Variants in HNRNPUL1 observed in about 807,000 individuals in gnomAD.
HNRNPUL1 encodes the protein heterogeneous nuclear ribonucleoprotein U like 1, also known as heterogeneous nuclear ribonucleoprotein U-like protein 1.
A neutral mutation model predicts 108.5 loss-of-function variants in HNRNPUL1; 14 were observed. The ratio of observed to expected loss-of-function variants is 0.13; its 90% CI spans 0.09 to 0.20. The LOEUF (loss-of-function observed/expected upper bound fraction) is 0.20. Ranked by LOEUF, HNRNPUL1 falls within the 10% of genes least tolerant of loss-of-function variation. The pLI, the probability that HNRNPUL1 is intolerant of heterozygous loss-of-function variation, is 1.00. For missense variants in HNRNPUL1, 804 were observed against 1,168.3 expected (o/e 0.69, Z 4.55); for synonymous variants, 422 against 445.2 (o/e 0.95, Z 0.66).
intron 2 of HNRNPUL1, among the ~76,000 whole-genome samples, chr19:41,271,616 C>T (rs1011886231): frequency 1.3e-5 from 2 of 152,266 alleles, no homozygotes; most frequent in African/African-American, 2.4e-5. Flanking sequence ...AGGACTTACC[C>T]GTGGTCCACA....
At chr19:41,299,289 A>G (rs2037063609) in intron 10 of HNRNPUL1, among the ~76,000 whole-genome samples, 1 of 151,830 alleles carries the variant, frequency 6.6e-6, no homozygotes, top group Non-Finnish European at 1.5e-5. Flanking sequence ...AGGGAAGAAC[A>G]TTTTTTCCTG....
Position 41,279,070 on chromosome 19 carries a change from T to G in HNRNPUL1, c.787-7T>G. Reference sequence around the variant, plus strand: ...CAACCCTGAGCCCTTTTGTCCTCTTTCCTCAGATCAATGAGGAAATCTCCG... The same window carrying G: ...CAACCCTGAGCCCTTTTGTCCTCTTGCCTCAGATCAATGAGGAAATCTCCG... On this transcript the variant is annotated splice_region_variant and splice_polypyrimidine_tract_variant and intron_variant, in intron 5 of 14. Transcript: ENST00000392006. 1 of 1,612,006 alleles carries G rather than the reference T, an allele frequency of 6.2e-7. No individual in the cohort carries two copies. Among genetic ancestry groups the G allele is most frequent in the East Asian group, 2.2e-5 (1 of 44,868 alleles).
intron 5 of HNRNPUL1, among the ~76,000 whole-genome samples, chr19:41,277,240 A>T (rs1356730385): frequency 6.6e-6 from 1 of 152,216 alleles, no homozygotes; most frequent in Non-Finnish European, 1.5e-5. Context: ...ATCCAAACTT[A>T]CTGATGATAG....
In HNRNPUL1 at chr19:41,306,703, G is replaced by A. The variant is rs1043654431; in HGVS notation, c.*138G>A. The A allele has an allele frequency of 1.1e-5, 5 of 456,930 alleles. No individual in the cohort carries two copies. The highest frequency in any genetic ancestry group is 1.9e-5 in the Non-Finnish European group (5 of 263,122). The allele number at this position is 456,930 out of a possible 1,614,324, so 28.3% of individuals were successfully genotyped here. On this transcript the variant is annotated 3_prime_UTR_variant, in exon 15 of 15. Coordinates refer to ENST00000392006, the MANE Select transcript of HNRNPUL1 (RefSeq NM_007040.6). ...CAGGGCTGCCTCCCTCCAGCCCACT[G>A]CCTCCCCTCTGAGGGGCTTCCTTCC...
chr19:41,262,771 G>C (rs935705564), upstream of HNRNPUL1: 4 of 152,554 alleles, frequency 2.6e-5, no homozygotes, highest in African/African-American at 9.6e-5. Context: ...CGGGCGCGGT[G>C]GCTCACGCCT....
Position 41,294,286 on chromosome 19 carries a change from A to T in HNRNPUL1, c.1267-52A>T, listed in dbSNP as rs900491518. On this transcript the variant is annotated intron_variant, in intron 8 of 14. Coordinates refer to ENST00000392006, the MANE Select transcript of HNRNPUL1 (RefSeq NM_007040.6). The surrounding 1 kb of genome is among the most constrained non-coding windows in gnomAD (Gnocchi z 4.3). ...TCACACTCACAGTCACCACCGAGCC[A>T]AGTGGTGCCATACCACCATGCCGCA... 4.4e-6 allele frequency: 7 copies of T among 1,602,994 alleles called. No individual in the cohort carries two copies. Among genetic ancestry groups the T allele is most frequent in the Non-Finnish European group, 6.0e-6 (7 of 1,172,598 alleles).
At chr19:41,264,301 C>A (rs575136648), upstream of HNRNPUL1, 12 of 430,358 alleles carry the variant, frequency 2.8e-5, no homozygotes, top group Middle Eastern at 6.0e-4. Flanking sequence ...CGTTGCCCCA[C>A]GCACTGACCA....
rs796078953 is a variant in HNRNPUL1 at position 41,278,931 on chromosome 19, G to C, written c.787-146G>C. 7.7e-6 allele frequency: 5 copies of C among 652,702 alleles called. No individual in the cohort carries two copies. The African/African-American group carries it at 9.0e-5, about 12-fold the overall frequency. The allele number at this position is 652,702 out of a possible 1,614,324, so 40.4% of individuals were successfully genotyped here. On this transcript the variant is annotated intron_variant, in intron 5 of 14. Transcript: ENST00000392006. ...CCCTGGCTTCGATTCGGTTCAACAG[G>C]CTTTTCAGAGCTGCTTAAACGCTTC...
At chr19:41,281,088 AAAAG>A in intron 6 of HNRNPUL1, 71 bp from the exon 7 acceptor site, 1 of 892,308 alleles carries the variant, frequency 1.1e-6, no homozygotes, top group Non-Finnish European at 1.8e-6. Flanking sequence ...CTTCAAAAAT[AAAAG>A]TATGTGGCAG....
intron 1 of HNRNPUL1, chr19:41,265,185 C>T (rs980506757): frequency 1.4e-6 from 2 of 1,471,052 alleles, no homozygotes; most frequent in Non-Finnish European, 1.8e-6. Flanking sequence ...GCTCCGTGGG[C>T]TTGGCGGTCG....
At chr19:41,288,561 A>G (rs1031745527) in intron 7 of HNRNPUL1, among the ~76,000 whole-genome samples, 11 of 151,996 alleles carry the variant, frequency 7.2e-5, no homozygotes, top group African/African-American at 2.7e-4. Context: ...GGATCTTTTT[A>G]TGGTACTACC....
chr19:41,298,709 CCAAGGA>C (rs1318765866), intron 10 of HNRNPUL1: 1 of 152,230 alleles, frequency 6.6e-6, no homozygotes, highest in African/African-American at 2.4e-5. Flanking sequence ...CTACCCACTT[CCAAGGA>C]CAAAGGCCAG....
At chr19:41,300,150 A>G (rs1008999930) in intron 10 of HNRNPUL1, among the ~76,000 whole-genome samples, 3 of 151,974 alleles carry the variant, frequency 2.0e-5, no homozygotes, top group Non-Finnish European at 4.4e-5. Flanking sequence ...CACTTTGTCA[A>G]TTGCTTTATG....
chr19:41,294,573 C>T lies in HNRNPUL1; in HGVS notation c.1405C>T (p.Arg469Trp), dbSNP rs2036778993. The T allele has an allele frequency of 6.2e-7, 1 of 1,614,172 alleles. No individual in the cohort carries two copies. The highest frequency in any genetic ancestry group is 8.5e-7 in the Non-Finnish European group (1 of 1,180,032). ...MDKMRVMGLR[R>W]QRNYAGRWDV... ...CTGCCCGCAGGTGATGGGCCTACGC[C>T]GGCAGCGGAACTATGCTGGCCGCTG... Residue 469 changes from arginine to tryptophan, a missense_variant, in exon 10 of 15, where the codon CGG (arginine) becomes TGG (tryptophan). Transcript: ENST00000392006. The surrounding 1 kb of genome is among the most constrained non-coding windows in gnomAD (Gnocchi z 4.3).
At chr19:41,289,736 G>A (rs938791169) in intron 7 of HNRNPUL1, among the ~76,000 whole-genome samples, 4 of 116,306 alleles carry the variant, frequency 3.4e-5, no homozygotes, top group African/African-American at 1.4e-4. Context: ...TTTTTTTTGA[G>A]AAGGAGTCTT....
In HNRNPUL1 at chr19:41,275,188, A is replaced by G. The variant is rs2035473762; in HGVS notation, c.647-971A>G. 2.6e-5 allele frequency among the ~76,000 whole-genome samples: 4 copies of G among 152,270 alleles called. No individual in the cohort carries two copies. The South Asian group carries it at 8.3e-4, about 32-fold the overall frequency. Reference sequence around the variant, plus strand: ...ATCAGGGTCAGATCCCTGTATAGCTATTGGAAACAGAAGTCCGGTTCCCAA... The same window carrying G: ...ATCAGGGTCAGATCCCTGTATAGCTGTTGGAAACAGAAGTCCGGTTCCCAA... On this transcript the variant is annotated intron_variant, in intron 4 of 14. Transcript: ENST00000392006.
intron 11 of HNRNPUL1, 75 bp from the exon 12 acceptor site, chr19:41,302,590 G>A (rs749039447): frequency 1.3e-6 from 2 of 1,570,274 alleles, no homozygotes; most frequent in Admixed American, 3.3e-5. Flanking sequence ...CCACTCTTCT[G>A]GGTGGAGGGG....
intron 7 of HNRNPUL1, among the ~76,000 whole-genome samples, chr19:41,290,298 C>G (rs2122781024): frequency 6.6e-6 from 1 of 152,182 alleles, no homozygotes; most frequent in East Asian, 1.9e-4. Context: ...AAATATTTAA[C>G]AAACGTTTTA....
chr19:41,276,435 T>G, intron 5 of HNRNPUL1, 137 bp downstream of exon 5: 1 of 923,984 alleles, frequency 1.1e-6, no homozygotes, highest in Non-Finnish European at 1.6e-6. Context: ...GACAAAACTG[T>G]GATGAACTCA....
Sources: gnomAD v4.1 joint callset for allele counts (sites outside exome capture counted in the v4.1 genomes callset) on GRCh38, gnomAD v4.1.1 for gene constraint, Gnocchi (gnomAD v3.1) non-coding constraint, MANE v1.5 for transcripts, NCBI Gene and HGNC (gene_info 2026-07-23, HGNC 2026-07-21) for gene names.